Variants in RPS6KA1 observed in about 807,000 individuals in gnomAD.
RPS6KA1 encodes ribosomal protein S6 kinase A1.
RPS6KA1 carries 48 observed loss-of-function variants against 91.3 expected under a neutral mutation model. That is an observed-to-expected ratio of 0.53 (90% CI 0.42 to 0.67). The LOEUF is 0.67. RPS6KA1 is among the 30% of genes least tolerant of loss of function. RPS6KA1 has a pLI of 0.00. For synonymous variants in RPS6KA1, 359 were observed against 384.7 expected, an observed-to-expected ratio of 0.93 and a Z score of 0.78; for missense variants, 719 against 960.5, an observed-to-expected ratio of 0.75 and a Z score of 3.32.
intron 4 of RPS6KA1, among the ~76,000 whole-genome samples, chr1:26,548,787 G>A (rs1484297029): frequency 1.3e-5 from 2 of 149,498 alleles, no homozygotes; most frequent in East Asian, 1.9e-4. Context: ...CGATGAGAGC[G>A]AAACTCCATC....
At position 26,561,745 on chromosome 1, in the gene RPS6KA1, G is replaced by A; in HGVS notation, c.1590+82G>A. On this transcript the variant is annotated intron_variant, in intron 17 of 21. Coordinates refer to ENST00000374168, the MANE Select transcript of RPS6KA1 (RefSeq NM_002953.4). The surrounding 1 kb of genome is among the most constrained non-coding windows in gnomAD (Gnocchi z 5.7). ...AGAACATGAACCACCTGCTGGCCCA[G>A]GAATGGCAGCCTCCAGCTAGCCAAA... The A allele has an allele frequency of 7.0e-7, 1 of 1,424,848 alleles. No homozygotes were observed. Among genetic ancestry groups the A allele is most frequent in the Non-Finnish European group, 9.5e-7 (1 of 1,051,196 alleles). The allele number at this position is 1,424,848 out of a possible 1,614,324, so 88.3% of individuals were successfully genotyped here.
At chr1:26,533,303 C>G (rs1470847493) in intron 1 of RPS6KA1, among the ~76,000 whole-genome samples, 2 of 152,192 alleles carry the variant, frequency 1.3e-5, no homozygotes, top group Non-Finnish European at 2.9e-5. Flanking sequence ...TGGTCTCGAT[C>G]TCTTGACCTC....
In RPS6KA1 at chr1:26,574,437, T is replaced by C. The variant is rs1398389378; in HGVS notation, c.*236T>C. ...AAGCGATTCACTGTATAAACTTTTT[T>C]TTATGAAAAAAATGGCATCAACCAC... On this transcript the variant is annotated 3_prime_UTR_variant, in exon 22 of 22. Transcript: ENST00000374168. The surrounding 1 kb of genome is among the most constrained non-coding windows in gnomAD (Gnocchi z 4.3). The C allele has an allele frequency of 1.4e-6, 1 of 725,234 alleles. No individual in the cohort carries two copies. The highest frequency in any genetic ancestry group is 1.8e-5 in the Admixed American group (1 of 55,884). The allele number at this position is 725,234 out of a possible 1,614,324, so 44.9% of individuals were successfully genotyped here. A position where few individuals can be genotyped will look rare whatever the true frequency, so the allele number is the denominator to read the frequency against.
intron 2 of RPS6KA1, among the ~76,000 whole-genome samples, chr1:26,542,902 T>A (rs2075959693): frequency 6.6e-6 from 1 of 152,206 alleles, no homozygotes; most frequent in Admixed American, 6.5e-5. Context: ...GACTTTTGTC[T>A]CTGCTCTTGT....
At chr1:26,566,812 G>C (rs2076206444) in intron 17 of RPS6KA1, among the ~76,000 whole-genome samples, 1 of 152,082 alleles carries the variant, frequency 6.6e-6, no homozygotes. Flanking sequence ...TTTCTATAAG[G>C]TTATGGACTC....
intron 17 of RPS6KA1, among the ~76,000 whole-genome samples, chr1:26,562,800 A>G (rs993075474): frequency 4.8e-5 from 7 of 145,468 alleles, no homozygotes; most frequent in Non-Finnish European, 1.0e-4. Flanking sequence ...TACCCAGTCC[A>G]TAGACACATT....
intron 1 of RPS6KA1, among the ~76,000 whole-genome samples, chr1:26,532,482 A>AC (rs1253215605): frequency 6.6e-6 from 1 of 152,012 alleles, no homozygotes; most frequent in East Asian, 1.9e-4. Context: ...CTGGAGCCAC[A>AC]CTAGCCCAGG....
At chr1:26,530,864 GA>G in intron 1 of RPS6KA1, 2 of 1,284,608 alleles carry the variant, frequency 1.6e-6, no homozygotes, top group Non-Finnish European at 2.0e-6. Flanking sequence ...TGAGCTGGTG[GA>G]AAACTTCCTC....
Position 26,554,739 on chromosome 1 carries a change from G to A in RPS6KA1, c.756+1G>A. Reference sequence around the variant, plus strand: ...CTGGTGGTCCTATGGGGTGTTGATGGTGAGTGCCCAGACAGGGGTAAAGGA... The same window carrying A: ...CTGGTGGTCCTATGGGGTGTTGATGATGAGTGCCCAGACAGGGGTAAAGGA... On this transcript the variant is annotated splice_donor_variant, in intron 9 of 21. Coordinates refer to ENST00000374168, the MANE Select transcript of RPS6KA1 (RefSeq NM_002953.4). LOFTEE classifies it high-confidence loss of function. The surrounding 1 kb of genome is among the most constrained non-coding windows in gnomAD (Gnocchi z 4.6). 6.3e-7 allele frequency: 1 copy of A among 1,597,788 alleles called. No homozygotes were observed. The highest frequency in any genetic ancestry group is 8.6e-7 in the Non-Finnish European group (1 of 1,167,390).
intron 17 of RPS6KA1, among the ~76,000 whole-genome samples, chr1:26,562,825 CTTTTTTTTTT>C (rs748764001): frequency 2.1e-4 from 17 of 81,444 alleles, no homozygotes; most frequent in African/African-American, 5.6e-4. Flanking sequence ...TCCTATTGTC[CTTTTTTTTTT>C]TTTTTTTTTT....
At chr1:26,557,792 C>CCCTCT (rs2076116501) in intron 13 of RPS6KA1, among the ~76,000 whole-genome samples, 1 of 122,774 alleles carries the variant, frequency 8.1e-6, no homozygotes, top group Admixed American at 8.2e-5. Context: ...CCCTCCCCTC[C>CCCTCT]CCTCCCCTCC....
intron 2 of RPS6KA1, among the ~76,000 whole-genome samples, chr1:26,543,464 T>C (rs922703476): frequency 1.3e-5 from 2 of 152,182 alleles, no homozygotes; most frequent in South Asian, 4.1e-4. Flanking sequence ...TTTCTGCCTG[T>C]CCCGCCAGGA....
intron 17 of RPS6KA1, among the ~76,000 whole-genome samples, chr1:26,563,415 T>G (rs951700274): frequency 2.0e-5 from 3 of 151,762 alleles, no homozygotes; most frequent in Non-Finnish European, 4.4e-5. Flanking sequence ...TTTGTAGAGA[T>G]GGGGTTTTGG....
chr1:26,555,192 C>T lies in RPS6KA1; in HGVS notation c.798C>T (p.Asp266=), dbSNP rs965101553. Residue 266 remains aspartate, a synonymous_variant, in exon 10 of 22, where the codon GAC becomes GAT. Transcript: ENST00000374168. This position sits in a 1 kb window ranked among gnomAD's most constrained non-coding sequence, Gnocchi z 4.3. ...LTGSLPFQGK[D]RKETMTLILK... is the part of the protein sequence containing the mutation. Reference sequence around the variant, plus strand: ...GCTCCCTGCCCTTCCAGGGGAAGGACCGGAAGGAGACCATGACACTGATTC... The same window carrying T: ...GCTCCCTGCCCTTCCAGGGGAAGGATCGGAAGGAGACCATGACACTGATTC... The T allele has an allele frequency of 5.6e-6, 9 of 1,613,994 alleles. No individual in the cohort carries two copies. The African/African-American group carries it at 1.1e-4, about 19-fold the overall frequency.
intron 17 of RPS6KA1, among the ~76,000 whole-genome samples, chr1:26,565,570 T>TTTCTTTTCTG (rs376187103): frequency 1.3e-5 from 2 of 151,818 alleles, no homozygotes; most frequent in African/African-American, 4.8e-5. Flanking sequence ...TTTCTTTTCT[T>TTTCTTTTCTG]TTTTTTTGAG....
chr1:26,529,940 A>G lies in RPS6KA1; in HGVS notation c.20A>G (p.Lys7Arg). 1 of 1,433,558 alleles carries G rather than the reference A, an allele frequency of 7.0e-7. No individual in the cohort carries two copies. Among genetic ancestry groups the G allele is most frequent in the Non-Finnish European group, 9.1e-7 (1 of 1,094,388 alleles). 88.8% of individuals were successfully genotyped at this position (1,433,558 alleles called of 1,614,324 possible). A position where few individuals can be genotyped will look rare whatever the true frequency, so the allele number is the denominator to read the frequency against. MPLAQLKEPWPLMELVP... is the reference protein window; with the variant it reads MPLAQLREPWPLMELVP... ...GGCGAGATGCCGCTCGCCCAGCTCAAGGAGCCCTGGCCGCTCATGGAGCTA... is the reference window on the plus strand; with the variant it reads ...GGCGAGATGCCGCTCGCCCAGCTCAGGGAGCCCTGGCCGCTCATGGAGCTA... Residue 7 changes from lysine to arginine, a missense_variant, in exon 1 of 22, where the codon AAG (lysine) becomes AGG (arginine). Around this residue, in one of 5 missense-constraint regions of RPS6KA1, gnomAD observed 57 missense variants for 55.8 expected, o/e 1.02. Transcript: ENST00000374168. The surrounding 1 kb of genome is among the most constrained non-coding windows in gnomAD (Gnocchi z 4.2).
Position 26,551,331 on chromosome 1 carries a change from C to CG in RPS6KA1, c.308-61dup. 4 of 1,400,768 alleles carry CG rather than the reference C, an allele frequency of 2.9e-6. No individual in the cohort carries two copies. Among genetic ancestry groups the CG allele is most frequent in the Non-Finnish European group, 4.0e-6 (4 of 988,910 alleles). 86.8% of individuals were successfully genotyped at this position (1,400,768 alleles called of 1,614,324 possible). ...AACAAGTGGAAAAGAGATCCCTTAG[C>CG]GGGGGCTTGGGAGTGGCTGTGTTGA... is the stretch of plus-strand genomic sequence containing the variant. On this transcript the variant is annotated intron_variant, in intron 4 of 21. Coordinates refer to ENST00000374168, the MANE Select transcript of RPS6KA1 (RefSeq NM_002953.4). This position sits in a 1 kb window ranked among gnomAD's most constrained non-coding sequence, Gnocchi z 4.5.
chr1:26,557,116 G>C lies in RPS6KA1; in HGVS notation c.1084+16G>C. The C allele has an allele frequency of 6.2e-7, 1 of 1,603,256 alleles. No homozygotes were observed. The highest frequency in any genetic ancestry group is 8.5e-7 in the Non-Finnish European group (1 of 1,170,874). ...ACACCCAAGGGTGCGTCCCTTATCT[G>C]TTTTGTCTGTCTTGGGCTGGTACAG... On this transcript the variant is annotated intron_variant, in intron 13 of 21. Coordinates refer to ENST00000374168, the MANE Select transcript of RPS6KA1 (RefSeq NM_002953.4).
intron 1 of RPS6KA1, among the ~76,000 whole-genome samples, chr1:26,536,512 C>G (rs1400393430): frequency 6.6e-6 from 1 of 152,204 alleles, no homozygotes; most frequent in African/African-American, 2.4e-5. Context: ...GTAACTACCC[C>G]ACCCCATGTT....
Sources: gnomAD v4.1 joint callset for allele counts (sites outside exome capture counted in the v4.1 genomes callset) on GRCh38, gnomAD v4.1.1 for gene constraint, gnomAD v4.1.1 regional missense constraint, Gnocchi (gnomAD v3.1) non-coding constraint, MANE v1.5 for transcripts, NCBI Gene and HGNC (gene_info 2026-07-23, HGNC 2026-07-21) for gene names.